ARSG: variants seen among roughly 807,000 people sequenced by gnomAD.
The protein encoded by ARSG is ASG.
In ARSG, 37 loss-of-function variants were observed where a neutral mutation model predicts 50.5. The ratio of observed to expected loss-of-function variants is 0.73; its 90% CI spans 0.56 to 0.96. ARSG has a LOEUF of 0.96. Ranked by LOEUF, ARSG falls within the 50% of genes least tolerant of loss-of-function variation. The pLI is 0.00. For missense variants in ARSG, 629 were observed against 675.3 expected (o/e 0.93, Z 0.76); for synonymous variants, 225 against 254.6 (o/e 0.88, Z 1.11).
chr17:68,440,788 C>T, the ARSG span: 1 of 152,200 alleles, frequency 6.6e-6, no homozygotes, highest in South Asian at 2.1e-4. Flanking sequence ...AAATGATTCT[C>T]ATCTTGGTAT....
chr17:68,273,761 T>C (rs2075419592), intron 1 of ARSG: 2 of 687,622 alleles, frequency 2.9e-6, no homozygotes, highest in African/African-American at 1.8e-5. Context: ...CCAGGTCCCC[T>C]GAAGTCCATA....
upstream of ARSG, among the ~76,000 whole-genome samples, chr17:68,286,819 A>C (rs1375657474): frequency 1.3e-5 from 2 of 152,022 alleles, no homozygotes; most frequent in African/African-American, 4.8e-5. Context: ...TTTAGTACTG[A>C]ATTCTATTAA....
intron 1 of ARSG, among the ~76,000 whole-genome samples, chr17:68,262,170 C>CAAAA (rs35446089): frequency 7.2e-6 from 1 of 138,164 alleles, no homozygotes; most frequent in Admixed American, 7.1e-5. Flanking sequence ...CGAAAACAAA[C>CAAAA]AAAAAAAAAA....
At chr17:68,451,014 G>A in the ARSG span, 30 of 1,374,902 alleles carry the variant, frequency 2.2e-5, no homozygotes, top group African/African-American at 1.0e-4. Flanking sequence ...GGGTCTTGCC[G>A]GCCAGGCGCC....
At chr17:68,432,883 T>A in the ARSG span, among the ~76,000 whole-genome samples, 1 of 152,198 alleles carries the variant, frequency 6.6e-6, no homozygotes, top group Admixed American at 6.5e-5. Flanking sequence ...CCAACCCCCA[T>A]TCTGCACAGG....
intron 8 of ARSG, among the ~76,000 whole-genome samples, chr17:68,377,203 G>A (rs949857170): frequency 6.6e-6 from 1 of 152,192 alleles, no homozygotes; most frequent in Middle Eastern, 3.2e-3. Flanking sequence ...TTGGACAAAT[G>A]AGGAAACTGA....
intron 6 of ARSG, among the ~76,000 whole-genome samples, chr17:68,364,144 TTCTCCACACCCTG>T (rs1375357472): frequency 1.3e-5 from 2 of 152,066 alleles, no homozygotes; most frequent in African/African-American, 4.8e-5. Context: ...CACCATAATC[TTCTCCACACCCTG>T]TCTCCACACC....
At chr17:68,336,541 G>C (rs887464931) in intron 2 of ARSG, among the ~76,000 whole-genome samples, 1 of 151,856 alleles carries the variant, frequency 6.6e-6, no homozygotes, top group African/African-American at 2.4e-5. Flanking sequence ...GGATTAGTGT[G>C]ATCAAATTCG....
Position 68,368,667 on chromosome 17 carries a change from A to T in ARSG, c.824A>T (p.Glu275Val). 6.2e-7 allele frequency: 1 copy of T among 1,614,158 alleles called. No individual in the cohort carries two copies. The highest frequency in any genetic ancestry group is 8.5e-7 in the Non-Finnish European group (1 of 1,180,010). Residue 275 changes from glutamate (E) to valine (V), a missense_variant, in exon 7 of 12, where the codon GAG becomes GTG. Glu to Val is a moderately radical substitution (Grantham distance 121). Transcript: ENST00000621439. ...AGCCTGTATGGTGCAGGGCTCTGGG[A>T]GATGGACAGTCTGGTGGGCCAGATC... Reference protein sequence around the residue: ...GRSLYGAGLWEMDSLVGQIKD... With the variant: ...GRSLYGAGLWVMDSLVGQIKD...
Position 68,392,684 on chromosome 17 carries a change from G to C in ARSG, c.1092-2389G>C, listed in dbSNP as rs987978458. 2.0e-5 allele frequency among the ~76,000 whole-genome samples: 3 copies of C among 152,148 alleles called. No homozygotes were observed. The East Asian group carries it at 5.8e-4, about 29-fold the overall frequency. On this transcript the variant is annotated intron_variant, in intron 9 of 11. Coordinates refer to ENST00000621439, the MANE Select transcript of ARSG (RefSeq NM_001267727.2). ...CCAGCTAATTTTTATATTTTTAGTA[G>C]AGACAGGGTTTCGCCATGTTGGCCA...
intron 1 of ARSG, among the ~76,000 whole-genome samples, chr17:68,279,130 T>C (rs1353286636): frequency 6.6e-6 from 1 of 152,124 alleles, no homozygotes; most frequent in Non-Finnish European, 1.5e-5. Context: ...AATGCTGACC[T>C]TGAAGGACTC....
intron 2 of ARSG, among the ~76,000 whole-genome samples, chr17:68,329,644 G>A (rs987795943): frequency 2.6e-5 from 4 of 152,156 alleles, no homozygotes; most frequent in African/African-American, 7.2e-5. Context: ...CCTGTAGACC[G>A]TGCTGACTTC....
chr17:68,436,412 C>T, the ARSG span: 16 of 1,613,948 alleles, frequency 9.9e-6, no homozygotes, highest in Non-Finnish European at 1.3e-5. Flanking sequence ...GCACAATCTC[C>T]CCTGAAGTCA....
At chr17:68,421,572 T>C (rs1264379732), downstream of ARSG, 2 of 632,772 alleles carry the variant, frequency 3.2e-6, no homozygotes, top group African/African-American at 1.8e-5. Context: ...GTGTATACAA[T>C]GTCTCCCGCG....
chr17:68,428,918 C>T, the ARSG span: 1 of 1,613,954 alleles, frequency 6.2e-7, no homozygotes. Context: ...CAACTAGCAG[C>T]CGTGGCAACT....
chr17:68,325,187 G>A lies in ARSG; in HGVS notation c.218+17476G>A, dbSNP rs117026354. 0.01 allele frequency among the ~76,000 whole-genome samples: 1,584 copies of A among 152,098 alleles called. 125 individuals carry two copies. The East Asian group carries it at 0.22, about 21-fold the overall frequency. ...TCGCTTGCATTACCGCCTGAGCTCC[G>A]CCTCCTGTCAGATCAACAGCGGCAT... On this transcript the variant is annotated intron_variant, in intron 2 of 11. Transcript: ENST00000621439.
chr17:68,444,179 A>C, the ARSG span, among the ~76,000 whole-genome samples: 2 of 152,208 alleles, frequency 1.3e-5, no homozygotes, highest in Non-Finnish European at 2.9e-5. Context: ...AGGGGTAAAC[A>C]CTTTTCAACA....
intron 1 of ARSG, among the ~76,000 whole-genome samples, chr17:68,282,797 A>T (rs1245448529): frequency 2.0e-5 from 3 of 149,538 alleles, no homozygotes; most frequent in Non-Finnish European, 4.5e-5. Context: ...AAAAAAAAAA[A>T]AAAGGCCAGG....
At chr17:68,263,220 C>T (rs1258800648) in intron 1 of ARSG, among the ~76,000 whole-genome samples, 1 of 127,450 alleles carries the variant, frequency 7.8e-6, no homozygotes, top group African/African-American at 3.4e-5. Context: ...TTTTCTTGTT[C>T]TGCACCTTTA....
Sources: allele counts gnomAD v4.1 joint callset (sites outside exome capture counted in the v4.1 genomes callset), GRCh38; gene constraint gnomAD v4.1.1; transcripts MANE v1.5; gene names NCBI Gene and HGNC (gene_info 2026-07-23, HGNC 2026-07-21).